DTNA: variants seen among roughly 807,000 people sequenced by gnomAD.
DTNA encodes the protein dystrophin-related protein 3.
Under a neutral mutation model 100.7 loss-of-function variants are expected in DTNA, and 43 were observed. The observed-to-expected ratio is 0.43, with a 90% confidence interval of 0.33 to 0.55. The LOEUF is 0.55. Ranked by LOEUF, DTNA falls within the 20% of genes least tolerant of loss-of-function variation. DTNA has a pLI of 0.04. For missense variants in DTNA, 798 were observed against 953.9 expected, an observed-to-expected ratio of 0.84 and a Z score of 2.15; for synonymous variants, 349 against 347.9, an observed-to-expected ratio of 1.00 and a Z score of -0.04.
intron 3 of DTNA, among the ~76,000 whole-genome samples, chr18:34,781,166 A>C (rs1472854902): frequency 6.6e-6 from 1 of 152,228 alleles, no homozygotes; most frequent in African/African-American, 2.4e-5. Context: ...CCAAAGGTAC[A>C]CAAGAAGGAT....
intron 1 of DTNA, among the ~76,000 whole-genome samples, chr18:34,747,193 G>A (rs148258518): frequency 2.5e-4 from 38 of 151,910 alleles, no homozygotes; most frequent in South Asian, 1.0e-3. Flanking sequence ...ATTTTAAGGT[G>A]GGTCTTAAGT....
chr18:34,676,584 C>A (rs1430886728), intron 1 of DTNA, among the ~76,000 whole-genome samples: 1 of 152,126 alleles, frequency 6.6e-6, no homozygotes, highest in Admixed American at 6.5e-5. Flanking sequence ...CCTGTAATCC[C>A]AGCATGTTGG....
chr18:34,624,502 A>G lies in DTNA; in HGVS notation c.-2+130988A>G, dbSNP rs542337850. 1.0e-3 allele frequency among the ~76,000 whole-genome samples: 158 copies of G among 152,342 alleles called. 2 individuals are homozygous for G. The highest frequency in any genetic ancestry group is 9.1e-3 in the South Asian group (44 of 4,828). ...TATTTTTGAGTAAACAAATTAGGAAAGCATCAAACATTTTCTTCTCACATG... is the reference window on the plus strand; with the variant it reads ...TATTTTTGAGTAAACAAATTAGGAAGGCATCAAACATTTTCTTCTCACATG... On this transcript the variant is annotated intron_variant, in intron 1 of 19. Transcript: ENST00000283365.
intron 1 of DTNA, among the ~76,000 whole-genome samples, chr18:34,523,906 T>G (rs2042371244): frequency 6.6e-6 from 1 of 152,308 alleles, no homozygotes; most frequent in African/African-American, 2.4e-5. Flanking sequence ...AGGGAAACTC[T>G]TATGTTTCAA....
intron 1 of DTNA, among the ~76,000 whole-genome samples, chr18:34,755,138 T>G (rs1228029633): frequency 1.3e-5 from 2 of 152,210 alleles, no homozygotes; most frequent in Admixed American, 1.3e-4. Context: ...AAAGTTTAAT[T>G]AGATGCAATA....
intron 6 of DTNA, among the ~76,000 whole-genome samples, chr18:34,813,132 AG>A (rs1443337061): frequency 6.6e-6 from 1 of 152,160 alleles, no homozygotes; most frequent in Non-Finnish European, 1.5e-5. Flanking sequence ...CATACATTAA[AG>A]GTTAGTTTAC....
At chr18:34,551,851 G>A (rs2045457959) in intron 1 of DTNA, among the ~76,000 whole-genome samples, 1 of 152,164 alleles carries the variant, frequency 6.6e-6, no homozygotes, top group Admixed American at 6.5e-5. Context: ...TTACCTCTGT[G>A]ACGCATAAGA....
Position 34,818,487 on chromosome 18 carries a change from C to A in DTNA, c.876+157C>A, listed in dbSNP as rs116132890. 9.8e-4 allele frequency: 1,482 copies of A among 1,519,582 alleles called. 14 individuals are homozygous for A. In the African/African-American group the frequency reaches 0.018, roughly 18 times the overall value. 94.1% of individuals were successfully genotyped at this position (1,519,582 alleles called of 1,614,324 possible). On this transcript the variant is annotated intron_variant, in intron 8 of 22. Transcript: ENST00000444659. The stretch of plus-strand genomic sequence containing the variant: ...CTTCCTCCCACTCTCCACCCTACTG[C>A]GTGCTCTTACTTATTCTGTTGGAAC...
intron 1 of DTNA, among the ~76,000 whole-genome samples, chr18:34,697,296 T>C (rs1292116609): frequency 1.3e-5 from 2 of 152,238 alleles, no homozygotes; most frequent in South Asian, 2.1e-4. Context: ...TAGTGGACCC[T>C]GAATTCAAAA....
chr18:34,689,192 G>A (rs753181349), intron 1 of DTNA, among the ~76,000 whole-genome samples: 5 of 152,104 alleles, frequency 3.3e-5, no homozygotes, highest in South Asian at 2.1e-4. Flanking sequence ...CCTTGCTGGC[G>A]AGGAATTGTG....
rs561509312 is a variant in DTNA at position 34,672,368 on chromosome 18, A to T, written c.-1-83608A>T. ...ACTGGTTTCTCAACTGTATTTTTTA[A>T]AAAGATACAAAATGAGATAATCACT... On this transcript the variant is annotated intron_variant, in intron 1 of 19. Coordinates refer to the DTNA transcript ENST00000283365. Among the ~76,000 whole-genome samples, 6 of 152,310 alleles carry T rather than the reference A, an allele frequency of 3.9e-5. No individual in the cohort carries two copies. In the East Asian group the frequency reaches 1.2e-3, roughly 29 times the overall value.
intron 3 of DTNA, 96 bp downstream of exon 3, chr18:34,766,137 G>A: frequency 1.5e-6 from 2 of 1,338,520 alleles, no homozygotes; most frequent in Non-Finnish European, 2.1e-6. Flanking sequence ...TACAAATATT[G>A]CTAATATTGT....
intron 11 of DTNA, among the ~76,000 whole-genome samples, chr18:34,831,004 C>A (rs933868093): frequency 2.0e-5 from 3 of 152,144 alleles, no homozygotes; most frequent in Admixed American, 1.3e-4. Context: ...AAAGCCAGGT[C>A]CCAAAGGCTC....
intron 22 of DTNA, among the ~76,000 whole-genome samples, chr18:34,885,571 C>T (rs995997942): frequency 3.9e-5 from 6 of 152,276 alleles, no homozygotes; most frequent in East Asian, 1.9e-4. Flanking sequence ...TTATTAAACC[C>T]GTATTACCTC....
intron 1 of DTNA, among the ~76,000 whole-genome samples, chr18:34,500,980 C>T (rs528342778): frequency 2.6e-5 from 4 of 152,260 alleles, no homozygotes; most frequent in East Asian, 1.9e-4. Context: ...CTGGCTAGAA[C>T]TTCTGGTACT....
chr18:34,570,172 T>TC (rs1251293443), intron 1 of DTNA, among the ~76,000 whole-genome samples: 2 of 151,994 alleles, frequency 1.3e-5, no homozygotes, highest in Non-Finnish European at 1.5e-5. Context: ...TTTCTTTAAT[T>TC]CCCCCCACCA....
chr18:34,769,725 C>CTTTTT lies in DTNA; in HGVS notation c.148+3695_148+3699dup, dbSNP rs61242937. Among the ~76,000 whole-genome samples the CTTTTT allele has an allele frequency of 1.2e-3, 65 of 53,884 alleles. 16 individuals are homozygous for CTTTTT. Among genetic ancestry groups the CTTTTT allele is most frequent in the South Asian group, 5.8e-3 (7 of 1,202 alleles). The allele number at this position is 53,884 out of a possible 152,430, so 35.3% of individuals were successfully genotyped here. ...GAAGAAGCAAGGCAGCCCTCTGGGG[C>CTTTTT]TTTTTTTTTTTTTTTGACAGAGTTT... On this transcript the variant is annotated intron_variant, in intron 3 of 22. Transcript: ENST00000444659.
intron 17 of DTNA, chr18:34,868,343 C>T (rs2096730100): frequency 6.9e-6 from 3 of 432,542 alleles, no homozygotes; most frequent in Non-Finnish European, 9.2e-6. Flanking sequence ...CTTATACTGA[C>T]CTCAGTCAAA....
At position 34,806,167 on chromosome 18, in the gene DTNA, C is replaced by T. The variant is rs2095355473; in HGVS notation, c.363-52C>T. 4 of 1,505,160 alleles carry T rather than the reference C, an allele frequency of 2.7e-6. No individual in the cohort carries two copies. In the Admixed American group the frequency reaches 6.8e-5, roughly 26 times the overall value. 93.2% of individuals were successfully genotyped at this position (1,505,160 alleles called of 1,614,324 possible). A position where few individuals can be genotyped will look rare whatever the true frequency, so the allele number is the denominator to read the frequency against. The stretch of plus-strand genomic sequence containing the variant: ...TTGCTGGAAGTACTCCAAATGACAT[C>T]ATGGTTTTGTTTTGTTTTTGTTTTT... On this transcript the variant is annotated intron_variant, in intron 4 of 22. Transcript: ENST00000444659.
Sources: gnomAD v4.1 joint callset for allele counts (sites outside exome capture counted in the v4.1 genomes callset) on GRCh38, gnomAD v4.1.1 for gene constraint, MANE v1.5 for transcripts, NCBI Gene and HGNC (gene_info 2026-07-23, HGNC 2026-07-21) for gene names.